Variants in FHIT observed in about 807,000 individuals in gnomAD.
The protein encoded by FHIT is bis(5'-adenosyl)-triphosphatase.
A neutral mutation model predicts 17.9 loss-of-function variants in FHIT; 19 were observed. That is an observed-to-expected ratio of 1.06 (90% CI 0.74 to 1.56). FHIT has a LOEUF of 1.56. Among genes scored for constraint, FHIT ranks in the 40% most tolerant of loss-of-function variants. The probability of loss-of-function intolerance (pLI) is 0.00; values close to 1 mark genes in which losing one functional copy is unlikely to be tolerated. For missense variants in FHIT, 248 were observed against 189.2 expected, an observed-to-expected ratio of 1.31 and a Z score of -1.82; for synonymous variants, 81 against 69.7, an observed-to-expected ratio of 1.16 and a Z score of -0.81.
At chr3:60,369,858 G>T (rs1559859728) in intron 5 of FHIT, among the ~76,000 whole-genome samples, 2 of 152,086 alleles carry the variant, frequency 1.3e-5, no homozygotes, top group African/African-American at 4.8e-5. Context: ...CTAGCCACTG[G>T]CCAATGGCAC....
chr3:60,123,561 T>A (rs994728983), intron 5 of FHIT, among the ~76,000 whole-genome samples: 2 of 152,128 alleles, frequency 1.3e-5, no homozygotes, highest in Non-Finnish European at 2.9e-5. Context: ...TTATAGAGAA[T>A]TCTAAAATAT....
chr3:60,996,746 C>T (rs921023593), intron 3 of FHIT, among the ~76,000 whole-genome samples: 21 of 152,146 alleles, frequency 1.4e-4, no homozygotes, highest in African/African-American at 4.6e-4. Flanking sequence ...TGAATTCCTG[C>T]TTAAGTATGG....
At chr3:60,214,574 A>G (rs1045005117) in intron 5 of FHIT, among the ~76,000 whole-genome samples, 8 of 152,160 alleles carry the variant, frequency 5.3e-5, no homozygotes, top group African/African-American at 1.9e-4. Context: ...AGGAATGTAA[A>G]TTAGTTCACT....
At chr3:60,998,704 G>C (rs887414068) in intron 3 of FHIT, among the ~76,000 whole-genome samples, 5 of 151,912 alleles carry the variant, frequency 3.3e-5, no homozygotes, top group African/African-American at 1.2e-4. Context: ...CTCTCCATAG[G>C]AATAGTAAGC....
chr3:60,403,165 C>G (rs2107196635), intron 5 of FHIT, among the ~76,000 whole-genome samples: 1 of 152,302 alleles, frequency 6.6e-6, no homozygotes, highest in East Asian at 1.9e-4. Context: ...ACAGAAAAAG[C>G]AGCATTGAAA....
At chr3:60,050,690 G>A (rs1701836324) in intron 5 of FHIT, among the ~76,000 whole-genome samples, 1 of 152,072 alleles carries the variant, frequency 6.6e-6, no homozygotes, top group Non-Finnish European at 1.5e-5. Flanking sequence ...TATTTTTCAT[G>A]GCTTTGCTCA....
chr3:61,145,867 C>T (rs546209122), intron 2 of FHIT, among the ~76,000 whole-genome samples: 6 of 152,058 alleles, frequency 3.9e-5, no homozygotes, highest in African/African-American at 1.2e-4. Context: ...TTGTATCTTG[C>T]CACATTGCTG....
intron 3 of FHIT, among the ~76,000 whole-genome samples, chr3:61,032,212 C>T (rs892134722): frequency 7.2e-5 from 11 of 152,322 alleles, no homozygotes; most frequent in East Asian, 1.9e-4. Context: ...CAGAACTTTA[C>T]ATACAGTAAA....
chr3:59,750,257 T>G (rs1252976934), intron 9 of FHIT: 1 of 225,172 alleles, frequency 4.4e-6, no homozygotes. Context: ...ACAAAACTCC[T>G]ACAATTCAGC....
chr3:60,554,256 A>C (rs1477745255), intron 4 of FHIT, among the ~76,000 whole-genome samples: 1 of 150,674 alleles, frequency 6.6e-6, no homozygotes, highest in Non-Finnish European at 1.5e-5. Flanking sequence ...AAAAAAAAAG[A>C]ACAAACAAAA....
chr3:60,183,356 C>G (rs1315720260), intron 5 of FHIT, among the ~76,000 whole-genome samples: 4 of 152,128 alleles, frequency 2.6e-5, no homozygotes, highest in South Asian at 2.1e-4. Flanking sequence ...TGAAATCACA[C>G]CAGTGCACTC....
At chr3:60,636,460 T>C (rs891851131) in intron 4 of FHIT, among the ~76,000 whole-genome samples, 17 of 152,148 alleles carry the variant, frequency 1.1e-4, no homozygotes, top group African/African-American at 4.1e-4. Context: ...AACAGTTCAC[T>C]TTCCACAAAA....
At chr3:59,792,873 G>T (rs943534616) in intron 8 of FHIT, among the ~76,000 whole-genome samples, 56 of 82,204 alleles carry the variant, frequency 6.8e-4, no homozygotes, top group South Asian at 1.0e-3. Context: ...CTTATTTTTT[G>T]GGGGGGGGGG....
At chr3:59,992,496 C>T (rs1019624550) in intron 7 of FHIT, among the ~76,000 whole-genome samples, 2 of 152,062 alleles carry the variant, frequency 1.3e-5, no homozygotes, top group Non-Finnish European at 1.5e-5. Context: ...CGTATACCAA[C>T]AACACATCAG....
chr3:60,925,944 C>G (rs1450832151), intron 3 of FHIT, among the ~76,000 whole-genome samples: 4 of 152,180 alleles, frequency 2.6e-5, no homozygotes, highest in African/African-American at 7.2e-5. Flanking sequence ...CAACAAAGAT[C>G]AAAAGAGACA....
chr3:61,084,259 T>C (rs1304130971), intron 2 of FHIT, among the ~76,000 whole-genome samples: 1 of 152,226 alleles, frequency 6.6e-6, no homozygotes, highest in East Asian at 1.9e-4. Flanking sequence ...TCCATTCTGT[T>C]CCATTAATCT....
intron 8 of FHIT, among the ~76,000 whole-genome samples, chr3:59,759,221 C>A (rs1270514751): frequency 6.6e-6 from 1 of 151,834 alleles, no homozygotes; most frequent in Non-Finnish European, 1.5e-5. Context: ...GATGGCAGAT[C>A]ATTTGCACCC....
chr3:61,031,038 C>T lies in FHIT; in HGVS notation c.-111+11009G>A, dbSNP rs539162933. 2.6e-5 allele frequency among the ~76,000 whole-genome samples: 4 copies of T among 152,204 alleles called. No individual in the cohort carries two copies. The South Asian group carries it at 8.3e-4, about 32-fold the overall frequency. On this transcript the variant is annotated intron_variant, in intron 3 of 9. Transcript: ENST00000492590. ...ACTTACATGAAACGAAATAAGGGGT[C>T]CTTGCAGTGTTTTGAGCAGACAGGT...
rs567336497 is a variant in FHIT at position 60,949,406 on chromosome 3, C to G, written c.-111+92641G>C. On this transcript the variant is annotated intron_variant, in intron 3 of 9. Transcript: ENST00000492590. The stretch of plus-strand genomic sequence containing the variant: ...CACCTTCCCACTCCCATTTGACAAC[C>G]TTTGTACAAAAAGAAACACAACGCC... Among the ~76,000 whole-genome samples, 3 of 152,262 alleles carry G rather than the reference C, an allele frequency of 2.0e-5. No individual in the cohort carries two copies. In the East Asian group the frequency reaches 5.8e-4, roughly 29 times the overall value.
Sources: gnomAD v4.1 joint callset for allele counts (sites outside exome capture counted in the v4.1 genomes callset) on GRCh38, gnomAD v4.1.1 for gene constraint, MANE v1.5 for transcripts, NCBI Gene and HGNC (gene_info 2026-07-23, HGNC 2026-07-21) for gene names.